SDK1: variants seen among roughly 807,000 people sequenced by gnomAD.
The protein encoded by SDK1 is sidekick cell adhesion molecule 1.
A neutral mutation model predicts 245.5 loss-of-function variants in SDK1; 157 were observed. The ratio of observed to expected loss-of-function variants is 0.64; its 90% confidence interval spans 0.56 to 0.73. The LOEUF (loss-of-function observed/expected upper bound fraction) is 0.73. Among genes scored for constraint, SDK1 ranks in the 30% least tolerant of loss-of-function variants. The pLI is 0.00. For missense variants in SDK1, 3,583 were observed against 3,002.3 expected (o/e 1.19, Z -4.52); for synonymous variants, 1,647 against 1,278.5 (o/e 1.29, Z -6.15).
intron 5 of SDK1, among the ~76,000 whole-genome samples, chr7:3,884,122 G>T (rs34730154): frequency 2.0e-5 from 3 of 148,178 alleles, no homozygotes; most frequent in African/African-American, 5.0e-5. Flanking sequence ...GCTGTGTCAC[G>T]CAGGCTGGAG....
chr7:3,618,791 C>T (rs1396767577), intron 1 of SDK1, among the ~76,000 whole-genome samples: 3 of 152,148 alleles, frequency 2.0e-5, no homozygotes, highest in African/African-American at 4.8e-5. Flanking sequence ...AGGGATTGTC[C>T]GATATGTCCC....
At chr7:4,224,979 T>C (rs1485995630) in intron 40 of SDK1, among the ~76,000 whole-genome samples, 1 of 80,324 alleles carries the variant, frequency 1.2e-5, no homozygotes, top group Non-Finnish European at 2.2e-5. Flanking sequence ...TGAGACTCTG[T>C]CTCAAAAAAA....
At chr7:3,986,690 A>T (rs1042008659) in intron 13 of SDK1, among the ~76,000 whole-genome samples, 1 of 152,060 alleles carries the variant, frequency 6.6e-6, no homozygotes. Context: ...GTGAAACCCC[A>T]TCTCTACTAA....
chr7:3,812,882 A>T (rs1446176716), intron 4 of SDK1, among the ~76,000 whole-genome samples: 1 of 152,194 alleles, frequency 6.6e-6, no homozygotes, highest in Non-Finnish European at 1.5e-5. Context: ...TAATGAACAC[A>T]ACTCAGCTAG....
chr7:3,549,871 T>C (rs1003776299), intron 1 of SDK1, among the ~76,000 whole-genome samples: 2 of 152,114 alleles, frequency 1.3e-5, no homozygotes, highest in Non-Finnish European at 2.9e-5. Flanking sequence ...GCCGACTCTT[T>C]CCTTGAGCTA....
At chr7:3,320,378 A>G (rs78798127) in intron 1 of SDK1, among the ~76,000 whole-genome samples, 5,949 of 151,948 alleles carry the variant, frequency 0.039, 351 homozygotes, top group African/African-American at 0.13. Context: ...TTTATATTCT[A>G]TGGAGTAAGA....
At chr7:3,659,084 C>T (rs1449641663) in intron 4 of SDK1, among the ~76,000 whole-genome samples, 1 of 152,204 alleles carries the variant, frequency 6.6e-6, no homozygotes, top group Non-Finnish European at 1.5e-5. Flanking sequence ...GACCTTTTGA[C>T]ACCTTAAATA....
intron 1 of SDK1, among the ~76,000 whole-genome samples, chr7:3,387,712 A>C (rs534541102): frequency 6.6e-6 from 1 of 152,336 alleles, no homozygotes; most frequent in South Asian, 2.1e-4. Context: ...TTAATGTTTA[A>C]GGTGGTAATC....
At chr7:4,106,702 C>T (rs771440450) in intron 22 of SDK1, among the ~76,000 whole-genome samples, 1 of 152,182 alleles carries the variant, frequency 6.6e-6, no homozygotes, top group Non-Finnish European at 1.5e-5. Flanking sequence ...TCTTGCTGTG[C>T]TTTCCCCCAC....
intron 1 of SDK1, among the ~76,000 whole-genome samples, chr7:3,610,484 T>G (rs767993509): frequency 6.6e-6 from 1 of 152,224 alleles, no homozygotes; most frequent in Non-Finnish European, 1.5e-5. Context: ...TACTTTGAAG[T>G]AAAATATTGG....
At position 3,301,530 on chromosome 7, in the gene SDK1, C is replaced by A; in HGVS notation, c.-57C>A. ...TGGCCGCGCCCGCTCGGAGCCGTCC[C>A]GCCTGTCCTGCCCGCCCGTCCGTCC... On this transcript the variant is annotated 5_prime_UTR_variant, in exon 1 of 45. Transcript: ENST00000404826. 1 of 639,916 alleles carries A rather than the reference C, an allele frequency of 1.6e-6. No individual in the cohort carries two copies. The highest frequency in any genetic ancestry group is 1.9e-6 in the Non-Finnish European group (1 of 517,954). 39.6% of individuals were successfully genotyped at this position (639,916 alleles called of 1,614,324 possible). A position where few individuals can be genotyped will look rare whatever the true frequency, so the allele number is the denominator to read the frequency against.
chr7:4,113,922 C>T, intron 24 of SDK1, 115 bp from the exon 25 acceptor site: 1 of 741,560 alleles, frequency 1.3e-6, no homozygotes, highest in South Asian at 1.8e-5. Flanking sequence ...AGACTATTTC[C>T]CCCAGGAACA....
chr7:3,497,333 T>C (rs1027887065), intron 1 of SDK1, among the ~76,000 whole-genome samples: 10 of 152,166 alleles, frequency 6.6e-5, no homozygotes, highest in Non-Finnish European at 1.2e-4. Flanking sequence ...TGTATAAATG[T>C]AGTATTTGTG....
rs73672148 is a variant in SDK1, at chr7:3,695,940, C to T, written c.713+53835C>T. Among the ~76,000 whole-genome samples the T allele has an allele frequency of 7.9e-3, 1,199 of 152,248 alleles. 17 individuals carry two copies. The highest frequency in any genetic ancestry group is 0.028 in the African/African-American group (1,157 of 41,538). ...TTTTCACTTATTTCGGGTTTTGCAG[C>T]ATTTGGAGTTGCTGACGCTCATTGG... On this transcript the variant is annotated intron_variant, in intron 4 of 44. Coordinates refer to ENST00000404826, the MANE Select transcript of SDK1 (RefSeq NM_152744.4).
chr7:4,137,573 C>T (rs1407018895), intron 28 of SDK1, among the ~76,000 whole-genome samples: 1 of 152,194 alleles, frequency 6.6e-6, no homozygotes, highest in Admixed American at 6.5e-5. Flanking sequence ...CCACTCAGGC[C>T]TCTCACTTGA....
chr7:4,012,306 A>T (rs1786043107), intron 16 of SDK1, 71 bp downstream of exon 16: 1 of 1,404,948 alleles, frequency 7.1e-7, no homozygotes, highest in South Asian at 1.7e-5. Flanking sequence ...GAGGGTTGCA[A>T]ACTCTAATGT....
At chr7:3,466,564 T>G (rs17815385) in intron 1 of SDK1, among the ~76,000 whole-genome samples, 5,042 of 150,620 alleles carry the variant, frequency 0.033, 115 homozygotes, top group Middle Eastern at 0.088. Flanking sequence ...GGTTTACTCA[T>G]CTTCATCCAC....
chr7:3,823,728 G>A (rs1011896278), intron 5 of SDK1, among the ~76,000 whole-genome samples: 2 of 152,124 alleles, frequency 1.3e-5, no homozygotes, highest in African/African-American at 4.8e-5. Flanking sequence ...TAAAAAGTGA[G>A]ATACAAGGCA....
chr7:3,618,091 T>A (rs753496891), intron 1 of SDK1, among the ~76,000 whole-genome samples: 1 of 152,308 alleles, frequency 6.6e-6, no homozygotes, highest in Non-Finnish European at 1.5e-5. Flanking sequence ...TAAGTCCTGA[T>A]GAGGATCAGG....
Sources: gnomAD v4.1 joint callset for allele counts (sites outside exome capture counted in the v4.1 genomes callset) on GRCh38, gnomAD v4.1.1 for gene constraint, MANE v1.5 for transcripts, NCBI Gene and HGNC (gene_info 2026-07-23, HGNC 2026-07-21) for gene names.